ADAM32: variants seen among roughly 807,000 people sequenced by gnomAD.
ADAM32 encodes the protein disintegrin and metalloproteinase domain-containing protein 32.
ADAM32 carries 89 observed loss-of-function variants against 114.9 expected under a neutral mutation model. The ratio of observed to expected loss-of-function variants is 0.77; its 90% CI spans 0.65 to 0.92. The LOEUF is 0.92. Ranked by LOEUF, ADAM32 falls within the 40% of genes least tolerant of loss-of-function variation. The pLI is 0.00. For missense variants in ADAM32, 870 were observed against 932.8 expected, an observed-to-expected ratio of 0.93 and a Z score of 0.88; for synonymous variants, 285 against 307.5, an observed-to-expected ratio of 0.93 and a Z score of 0.77.
chr8:39,249,616 G>A (rs186983247), intron 17 of ADAM32, among the ~76,000 whole-genome samples: 196 of 152,246 alleles, frequency 1.3e-3, no homozygotes, highest in Admixed American at 4.0e-3. Context: ...GAATTTAATA[G>A]TGAACCCATC....
intron 19 of ADAM32, among the ~76,000 whole-genome samples, chr8:39,269,625 G>GT (rs1342664368): frequency 2.0e-5 from 3 of 152,114 alleles, no homozygotes; most frequent in Non-Finnish European, 4.4e-5. Context: ...AGATTAAAGC[G>GT]TTTTTAAAGC....
At chr8:39,107,553 G>A, upstream of ADAM32, 1 of 1,305,476 alleles carries the variant, frequency 7.7e-7, no homozygotes, top group Non-Finnish European at 1.0e-6. Context: ...CCACGCGGCT[G>A]GGGTGCGCCG....
rs138835180 is a variant in ADAM32 at position 39,222,262 on chromosome 8, A to G, written c.1326+560A>G. 9.0e-4 allele frequency among the ~76,000 whole-genome samples: 137 copies of G among 152,142 alleles called. 1 individual carries two copies. The highest frequency in any genetic ancestry group is 3.3e-3 in the African/African-American group (137 of 41,574). ...TGTTTTTCTTTTCAGCTCTTCTAAA[A>G]TATTATTAACAGGTTTCTCATAAGA... On this transcript the variant is annotated intron_variant, in intron 13 of 24. Coordinates refer to ENST00000379907, the MANE Select transcript of ADAM32 (RefSeq NM_145004.7).
intron 15 of ADAM32, among the ~76,000 whole-genome samples, chr8:39,233,030 A>G (rs930278454): frequency 1.3e-5 from 2 of 152,152 alleles, no homozygotes; most frequent in Non-Finnish European, 2.9e-5. Context: ...TTGACAGTAA[A>G]TATATAATCT....
At chr8:39,146,858 A>G (rs966982647) in intron 3 of ADAM32, among the ~76,000 whole-genome samples, 3 of 152,230 alleles carry the variant, frequency 2.0e-5, no homozygotes, top group African/African-American at 4.8e-5. Flanking sequence ...CCTTTATATC[A>G]GGTTGACAGA....
chr8:39,255,635 C>A (rs867496699), intron 18 of ADAM32, among the ~76,000 whole-genome samples: 18 of 151,960 alleles, frequency 1.2e-4, no homozygotes, highest in African/African-American at 4.1e-4. Context: ...AGTTCTTTGT[C>A]AGATGCATAG....
chr8:39,120,490 G>A (rs944186475), intron 2 of ADAM32, among the ~76,000 whole-genome samples: 8 of 152,072 alleles, frequency 5.3e-5, no homozygotes, highest in Admixed American at 2.6e-4. Flanking sequence ...GGCCGGGCAC[G>A]GTGGCTCACA....
chr8:39,247,020 T>C (rs1234045140), intron 17 of ADAM32, among the ~76,000 whole-genome samples: 1 of 152,204 alleles, frequency 6.6e-6, no homozygotes, highest in African/African-American at 2.4e-5. Context: ...CGTGTTTTTC[T>C]ATGGCTTGAT....
intron 2 of ADAM32, among the ~76,000 whole-genome samples, chr8:39,135,952 C>T (rs891298183): frequency 3.3e-5 from 5 of 151,988 alleles, no homozygotes; most frequent in African/African-American, 7.3e-5. Context: ...TGTATGGTAC[C>T]CTGGTTGCTT....
intron 18 of ADAM32, among the ~76,000 whole-genome samples, chr8:39,255,417 C>T (rs756270233): frequency 7.2e-5 from 11 of 151,966 alleles, no homozygotes; most frequent in Non-Finnish European, 1.6e-4. Flanking sequence ...AAATTATGAC[C>T]ATTCTTGCAG....
chr8:39,187,443 T>C (rs932103617), intron 11 of ADAM32, among the ~76,000 whole-genome samples: 12 of 152,310 alleles, frequency 7.9e-5, no homozygotes, highest in African/African-American at 2.6e-4. Flanking sequence ...AGCTTATTTT[T>C]TGTATTTTTA....
At chr8:39,114,406 G>A (rs922368983) in intron 1 of ADAM32, among the ~76,000 whole-genome samples, 2 of 152,224 alleles carry the variant, frequency 1.3e-5, no homozygotes, top group Admixed American at 1.3e-4. Flanking sequence ...ACTGGGTCAG[G>A]TGTAGGAACC....
chr8:39,138,522 C>T (rs980193194), intron 3 of ADAM32, among the ~76,000 whole-genome samples: 4 of 152,320 alleles, frequency 2.6e-5, no homozygotes, highest in African/African-American at 9.6e-5. Flanking sequence ...TTTATGGCTG[C>T]ATAGTATTCC....
chr8:39,171,250 T>C (rs968639223), intron 10 of ADAM32, among the ~76,000 whole-genome samples: 4 of 152,166 alleles, frequency 2.6e-5, no homozygotes, highest in African/African-American at 9.7e-5. Flanking sequence ...TGGCCAGTTC[T>C]AGTATTCGAT....
At chr8:39,143,166 TG>T (rs1319219949) in intron 3 of ADAM32, among the ~76,000 whole-genome samples, 5 of 152,160 alleles carry the variant, frequency 3.3e-5, no homozygotes, top group Admixed American at 6.6e-5. Context: ...TCCTTTAGCT[TG>T]GAGAAATTTG....
intron 15 of ADAM32, among the ~76,000 whole-genome samples, chr8:39,233,473 C>T (rs1321817789): frequency 1.3e-5 from 2 of 152,118 alleles, no homozygotes; most frequent in African/African-American, 4.8e-5. Flanking sequence ...ATGAGGATGA[C>T]CAGAGGTCAC....
At chr8:39,216,425 C>A (rs1184504102) in intron 12 of ADAM32, among the ~76,000 whole-genome samples, 2 of 151,862 alleles carry the variant, frequency 1.3e-5, no homozygotes, top group Non-Finnish European at 2.9e-5. Flanking sequence ...TAAATAAGAA[C>A]TTCCTCCTGC....
intron 2 of ADAM32, among the ~76,000 whole-genome samples, chr8:39,120,747 G>T (rs1840556022): frequency 8.1e-6 from 1 of 123,974 alleles, no homozygotes; most frequent in Admixed American, 1.0e-4. Context: ...GGGTGACAGA[G>T]CAAGACTCCG....
At chr8:39,222,799 G>A (rs894774383) in intron 13 of ADAM32, among the ~76,000 whole-genome samples, 1 of 151,940 alleles carries the variant, frequency 6.6e-6, no homozygotes, top group African/African-American at 2.4e-5. Context: ...TAAAACTTTG[G>A]CTTTCATCAC....
Sources: gnomAD v4.1 joint callset for allele counts (sites outside exome capture counted in the v4.1 genomes callset) on GRCh38, gnomAD v4.1.1 for gene constraint, MANE v1.5 for transcripts, NCBI Gene and HGNC (gene_info 2026-07-23, HGNC 2026-07-21) for gene names.